Variants in EIPR1 observed in about 807,000 individuals in gnomAD.
The protein encoded by EIPR1 is EARP and GARP complex-interacting protein 1.
Under a neutral mutation model 48.1 loss-of-function variants are expected in EIPR1, and 25 were observed. The observed-to-expected ratio is 0.52, with a 90% confidence interval of 0.38 to 0.73. The LOEUF is 0.73. EIPR1 is among the 30% of genes least tolerant of loss of function. EIPR1 has a pLI of 0.00. For synonymous variants in EIPR1, 204 were observed against 201.9 expected, an observed-to-expected ratio of 1.01 and a Z score of -0.09; for missense variants, 415 against 506.2, an observed-to-expected ratio of 0.82 and a Z score of 1.73.
At chr2:3,334,218 A>G (rs1001830415) in intron 3 of EIPR1, among the ~76,000 whole-genome samples, 1 of 152,232 alleles carries the variant, frequency 6.6e-6, no homozygotes, top group African/African-American at 2.4e-5. Context: ...AGGAGAAAAC[A>G]CTACTGGAAG....
At chr2:3,238,988 G>A (rs1311306165) in intron 4 of EIPR1, among the ~76,000 whole-genome samples, 1 of 152,250 alleles carries the variant, frequency 6.6e-6, no homozygotes, top group Admixed American at 6.5e-5. Flanking sequence ...TCGGCATGAA[G>A]TCTCTGGGAG....
At chr2:3,240,043 G>A (rs901874614) in intron 4 of EIPR1, among the ~76,000 whole-genome samples, 12 of 150,748 alleles carry the variant, frequency 8.0e-5, no homozygotes, top group Admixed American at 6.6e-4. Flanking sequence ...CCTTCCTAAG[G>A]AAAAGCCAGT....
At chr2:3,353,767 C>T (rs1194039040) in intron 2 of EIPR1, among the ~76,000 whole-genome samples, 4 of 152,086 alleles carry the variant, frequency 2.6e-5, no homozygotes, top group Non-Finnish European at 2.9e-5. Flanking sequence ...AAATCTTTAT[C>T]GACATACGAG....
chr2:3,371,304 C>T (rs1030389423), intron 1 of EIPR1, among the ~76,000 whole-genome samples: 4 of 152,136 alleles, frequency 2.6e-5, no homozygotes, highest in East Asian at 1.9e-4. Flanking sequence ...TAAAGACCAT[C>T]GACATTAGGA....
At position 3,338,034 on chromosome 2, in the gene EIPR1, G is replaced by A. The variant is rs751167765; in HGVS notation, c.242C>T (p.Thr81Met). The change falls in exon 3 of 9, where the codon ACG becomes ATG. Residue 81 changes from threonine to methionine, a missense_variant. Thr to Met is a moderately conservative substitution (Grantham distance 81, BLOSUM62 -1). Transcript: ENST00000382125. ...SASPADRGVL[T>M]TCYNRTSDSK... ...GCACTTACTTCTGTTGTAGCAGGTC[G>A]TCAGCACACCTCTGTCTGCAGGGCT... 17 of 1,602,366 alleles carry A rather than the reference G, an allele frequency of 1.1e-5. No individual in the cohort carries two copies. The highest frequency in any genetic ancestry group is 2.2e-5 in the East Asian group (1 of 44,714).
chr2:3,226,250 A>G (rs894049909), intron 4 of EIPR1, among the ~76,000 whole-genome samples: 1 of 152,184 alleles, frequency 6.6e-6, no homozygotes, highest in Admixed American at 6.5e-5. Flanking sequence ...AATATATAAA[A>G]GTGTTTCCTT....
At chr2:3,229,536 T>G (rs1480997079) in intron 4 of EIPR1, among the ~76,000 whole-genome samples, 1 of 152,248 alleles carries the variant, frequency 6.6e-6, no homozygotes, top group Non-Finnish European at 1.5e-5. Context: ...ACCACACATC[T>G]TTTAAAATTT....
At chr2:3,316,833 T>C (rs1200534670) in intron 3 of EIPR1, among the ~76,000 whole-genome samples, 1 of 152,162 alleles carries the variant, frequency 6.6e-6, no homozygotes, top group African/African-American at 2.4e-5. Flanking sequence ...CACGCCAACC[T>C]CTTGCCATAG....
intron 4 of EIPR1, among the ~76,000 whole-genome samples, chr2:3,236,111 G>C (rs982419419): frequency 1.1e-4 from 16 of 152,154 alleles, no homozygotes; most frequent in African/African-American, 3.9e-4. Context: ...GAAATGAACA[G>C]TCACAGCCCG....
rs910159024 is a variant in EIPR1, at chr2:3,286,060, G to A, written c.260-28605C>T. 5.3e-5 allele frequency among the ~76,000 whole-genome samples: 8 copies of A among 152,152 alleles called. No homozygotes were observed. The highest frequency in any genetic ancestry group is 1.7e-4 in the African/African-American group (7 of 41,430). ...GCTGTGGCTCCATCTTCCTAGCTGA[G>A]AGCCAATGCCAGCTGCAGCCACTGG... On this transcript the variant is annotated intron_variant, in intron 3 of 8. Transcript: ENST00000382125. The surrounding 1 kb of genome is among the most constrained non-coding windows in gnomAD (Gnocchi z 4.2).
chr2:3,267,857 CT>C (rs1396002654), intron 3 of EIPR1, among the ~76,000 whole-genome samples: 1 of 152,230 alleles, frequency 6.6e-6, no homozygotes, highest in Non-Finnish European at 1.5e-5. Context: ...CTCTCTGGCC[CT>C]TTAAGGAAGA....
chr2:3,340,351 C>T (rs1405846850), intron 2 of EIPR1, among the ~76,000 whole-genome samples: 2 of 152,178 alleles, frequency 1.3e-5, no homozygotes, highest in East Asian at 1.9e-4. Context: ...CCGGCTTGCC[C>T]GAGGCAGAGC....
chr2:3,355,422 C>A (rs1670698075), intron 1 of EIPR1, among the ~76,000 whole-genome samples: 1 of 152,196 alleles, frequency 6.6e-6, no homozygotes, highest in South Asian at 2.1e-4. Flanking sequence ...CTTAGGCTAG[C>A]CAGCCTCCTG....
chr2:3,338,356 G>A (rs551074610), intron 2 of EIPR1, among the ~76,000 whole-genome samples: 1 of 152,328 alleles, frequency 6.6e-6, no homozygotes, highest in Non-Finnish European at 1.5e-5. Flanking sequence ...TCCCTGTGGA[G>A]CATTTCTAAG....
intron 4 of EIPR1, among the ~76,000 whole-genome samples, chr2:3,231,172 G>C (rs1012422221): frequency 6.6e-6 from 1 of 152,148 alleles, no homozygotes; most frequent in Non-Finnish European, 1.5e-5. Flanking sequence ...ATACAGAAAT[G>C]CAACTGATTC....
intron 3 of EIPR1, among the ~76,000 whole-genome samples, chr2:3,318,185 C>T (rs1301442090): frequency 6.6e-6 from 1 of 152,214 alleles, no homozygotes; most frequent in Non-Finnish European, 1.5e-5. Context: ...CGCAGAAGAG[C>T]GCAGCACACC....
intron 3 of EIPR1, among the ~76,000 whole-genome samples, chr2:3,265,550 T>C (rs1025709321): frequency 6.6e-6 from 1 of 152,222 alleles, no homozygotes; most frequent in Admixed American, 6.5e-5. Context: ...TTTCATCTTT[T>C]ATCTATGTTT....
At chr2:3,223,955 G>A (rs569732755) in intron 4 of EIPR1, among the ~76,000 whole-genome samples, 2 of 152,232 alleles carry the variant, frequency 1.3e-5, no homozygotes, top group South Asian at 2.1e-4. Context: ...GAACCATCCC[G>A]GGAACAAACG....
At chr2:3,233,807 G>C (rs1666315802) in intron 4 of EIPR1, among the ~76,000 whole-genome samples, 1 of 152,172 alleles carries the variant, frequency 6.6e-6, no homozygotes, top group African/African-American at 2.4e-5. Flanking sequence ...AGGCCTAAGT[G>C]GGTGAAGAAT....
Sources: allele counts gnomAD v4.1 joint callset (sites outside exome capture counted in the v4.1 genomes callset), GRCh38; gene constraint gnomAD v4.1.1; non-coding constraint Gnocchi (gnomAD v3.1); transcripts MANE v1.5; gene names NCBI Gene and HGNC (gene_info 2026-07-23, HGNC 2026-07-21).